Variants in PSD3 observed in about 807,000 individuals in gnomAD.
PSD3 encodes the protein pleckstrin and Sec7 domain containing 3.
PSD3 carries 49 observed loss-of-function variants against 105.5 expected under a neutral mutation model. The observed-to-expected ratio is 0.46, with a 90% CI of 0.37 to 0.59. The LOEUF (loss-of-function observed/expected upper bound fraction) is 0.59. PSD3 is among the 20% of genes least tolerant of loss of function. The pLI, the probability that PSD3 is intolerant of heterozygous loss-of-function variation, is 0.00. For missense variants in PSD3, 1,561 were observed against 1,263.8 expected, an observed-to-expected ratio of 1.24 and a Z score of -3.57; for synonymous variants, 557 against 457.8, an observed-to-expected ratio of 1.22 and a Z score of -2.77.
chr8:18,828,067 A>ATTTT (rs71218905), intron 4 of PSD3, among the ~76,000 whole-genome samples: 95 of 118,880 alleles, frequency 8.0e-4, no homozygotes, highest in African/African-American at 2.0e-3. Flanking sequence ...ATATATATAT[A>ATTTT]TTTTTTTTTT....
rs182981758 is a variant in PSD3 at position 18,564,342 on chromosome 8, A to C, written c.2785-7990T>G. Among the ~76,000 whole-genome samples, 9 of 152,294 alleles carry C rather than the reference A, an allele frequency of 5.9e-5. No individual in the cohort carries two copies. In the East Asian group the frequency reaches 1.7e-3, roughly 30 times the overall value. ...AAGCAGTAGGTGTAGAATATGAAAGACATTGGCCAGGCACGGTGGCTCACG... is the reference window on the plus strand; with the variant it reads ...AAGCAGTAGGTGTAGAATATGAAAGCCATTGGCCAGGCACGGTGGCTCACG... On this transcript the variant is annotated intron_variant, in intron 14 of 15. Transcript: ENST00000327040.
At chr8:18,563,116 T>G (rs1801503155) in intron 14 of PSD3, among the ~76,000 whole-genome samples, 1 of 151,966 alleles carries the variant, frequency 6.6e-6, no homozygotes, top group African/African-American at 2.4e-5. Flanking sequence ...AAAAGGTCAC[T>G]TTTTTCCTTC....
rs1305774791 is a variant in PSD3 at position 18,535,215 on chromosome 8, A to T, written c.*528T>A. 6.3e-6 allele frequency: 1 copy of T among 159,206 alleles called. No homozygotes were observed. The highest frequency in any genetic ancestry group is 6.0e-5 in the Admixed American group (1 of 16,786). 9.9% of individuals were successfully genotyped at this position (159,206 alleles called of 1,614,324 possible). A position where few individuals can be genotyped will look rare whatever the true frequency, so the allele number is the denominator to read the frequency against. ...TAAGCTGCACATGAAGCTGCCTCAT[A>T]TTGGAGCAACTAGATTCCCAGCACT... On this transcript the variant is annotated 3_prime_UTR_variant, in exon 16 of 16. Transcript: ENST00000327040.
intron 2 of PSD3, among the ~76,000 whole-genome samples, chr8:18,918,622 G>A (rs556853024): frequency 5.0e-4 from 76 of 152,164 alleles, no homozygotes; most frequent in Non-Finnish European, 1.0e-3. Context: ...CAAAAAACTA[G>A]GCCTCTTGAT....
At chr8:18,596,718 A>C (rs1372442615) in intron 12 of PSD3, among the ~76,000 whole-genome samples, 2 of 151,588 alleles carry the variant, frequency 1.3e-5, no homozygotes, top group Non-Finnish European at 3.0e-5. Flanking sequence ...ACAAATTGGG[A>C]AACCTAGAAG....
intron 1 of PSD3, among the ~76,000 whole-genome samples, chr8:19,027,158 C>G (rs1424767902): frequency 1.6e-4 from 25 of 152,170 alleles, no homozygotes; most frequent in Non-Finnish European, 7.4e-5. Flanking sequence ...TCTATCAGCT[C>G]TCTCTCAATT....
At chr8:18,558,123 A>C (rs2130166671) in intron 14 of PSD3, among the ~76,000 whole-genome samples, 1 of 152,314 alleles carries the variant, frequency 6.6e-6, no homozygotes, top group Non-Finnish European at 1.5e-5. Context: ...CATCTCCAGA[A>C]CTGTGAGAAA....
chr8:18,900,713 C>T (rs1819451811), intron 2 of PSD3, among the ~76,000 whole-genome samples: 1 of 137,154 alleles, frequency 7.3e-6, no homozygotes, highest in Non-Finnish European at 1.5e-5. Flanking sequence ...TGCAGTGACA[C>T]AATCATAGCT....
intron 14 of PSD3, among the ~76,000 whole-genome samples, chr8:18,564,317 A>C (rs1331651581): frequency 6.6e-6 from 1 of 152,150 alleles, no homozygotes; most frequent in Non-Finnish European, 1.5e-5. Flanking sequence ...CAAAAATCTG[A>C]AGCAGTAGGT....
At chr8:18,606,152 A>C (rs537790387) in intron 11 of PSD3, among the ~76,000 whole-genome samples, 1 of 152,314 alleles carries the variant, frequency 6.6e-6, no homozygotes, top group African/African-American at 2.4e-5. Flanking sequence ...TGTAGACATT[A>C]TAACTTTGAA....
chr8:18,570,790 A>C (rs1254627209), intron 14 of PSD3, among the ~76,000 whole-genome samples: 1 of 151,888 alleles, frequency 6.6e-6, no homozygotes, highest in Admixed American at 6.6e-5. Flanking sequence ...TCATATTGTA[A>C]TGAGAATAAT....
At chr8:18,832,588 C>G (rs149158597) in intron 4 of PSD3, among the ~76,000 whole-genome samples, 413 of 152,298 alleles carry the variant, frequency 2.7e-3, no homozygotes, top group Non-Finnish European at 4.5e-3. Flanking sequence ...CACTGAGTGA[C>G]TATTGTGTGT....
chr8:18,864,808 A>C (rs937190823), intron 4 of PSD3: 1 of 152,136 alleles, frequency 6.6e-6, no homozygotes, highest in Non-Finnish European at 1.5e-5. Flanking sequence ...GACAGGCTTA[A>C]TACCTCAATG....
At chr8:18,728,403 C>T (rs779286647) in intron 9 of PSD3, among the ~76,000 whole-genome samples, 47 of 152,284 alleles carry the variant, frequency 3.1e-4, no homozygotes, top group Non-Finnish European at 5.9e-4. Context: ...AACACTTAGA[C>T]TTTGATGACA....
intron 2 of PSD3, among the ~76,000 whole-genome samples, chr8:18,913,102 C>A (rs1027661142): frequency 6.6e-5 from 10 of 151,020 alleles, no homozygotes; most frequent in African/African-American, 2.4e-4. Flanking sequence ...CACACACACA[C>A]ACACACACAC....
chr8:18,549,172 T>A lies in PSD3; in HGVS notation c.2928+7037A>T, dbSNP rs1347702641. Among the ~76,000 whole-genome samples the A allele has an allele frequency of 2.7e-5, 3 of 111,498 alleles. No individual in the cohort carries two copies. The East Asian group carries it at 8.5e-4, about 32-fold the overall frequency. The allele number at this position is 111,498 out of a possible 152,430, so 73.1% of individuals were successfully genotyped here. ...TTCTTATACTCATTATTCTGTCTAT[T>A]CTCAGTTTTTTTTTTTTTTTTTTTT... On this transcript the variant is annotated intron_variant, in intron 15 of 15. Transcript: ENST00000327040.
intron 9 of PSD3, among the ~76,000 whole-genome samples, chr8:18,741,954 A>C (rs1048867155): frequency 1.3e-5 from 2 of 152,224 alleles, no homozygotes; most frequent in Admixed American, 1.3e-4. Context: ...GTCAACCAGT[A>C]ATGTATACTT....
chr8:18,543,338 G>A (rs1454185477), intron 15 of PSD3, among the ~76,000 whole-genome samples: 1 of 152,112 alleles, frequency 6.6e-6, no homozygotes, highest in Non-Finnish European at 1.5e-5. Flanking sequence ...AATATGGCCA[G>A]GCGCGGTGAC....
chr8:19,066,128 A>G (rs1829068487), intron 1 of PSD3, among the ~76,000 whole-genome samples: 1 of 152,202 alleles, frequency 6.6e-6, no homozygotes, highest in Admixed American at 6.5e-5. Context: ...ATGAATTGCT[A>G]ATAAAAGCCA....
Sources: gnomAD v4.1 joint callset for allele counts (sites outside exome capture counted in the v4.1 genomes callset) on GRCh38, gnomAD v4.1.1 for gene constraint, MANE v1.5 for transcripts, NCBI Gene and HGNC (gene_info 2026-07-23, HGNC 2026-07-21) for gene names.